Variants in DIAPH2 observed in about 807,000 individuals in gnomAD.
DIAPH2 encodes diaphanous related formin 2.
Under a neutral mutation model 92.7 loss-of-function variants are expected in DIAPH2, and 35 were observed. The observed-to-expected ratio is 0.38, with a 90% CI of 0.29 to 0.50. The LOEUF (loss-of-function observed/expected upper bound fraction) is 0.50, where lower values mean the gene tolerates loss of function less well. Among genes scored for constraint, DIAPH2 ranks in the 20% least tolerant of loss-of-function variants. The pLI is 0.94. For missense variants in DIAPH2, 701 were observed against 819.5 expected (o/e 0.86, Z 1.77); for synonymous variants, 301 against 280.4 (o/e 1.07, Z -0.73).
chrX:96,867,189 A>G (rs2065109725), intron 4 of DIAPH2, among the ~76,000 whole-genome samples: 1 of 111,673 alleles, frequency 9.0e-6, no homozygotes, highest in Non-Finnish European at 1.9e-5. Flanking sequence ...GTACTAGCTC[A>G]GTATTCTTAT....
intron 23 of DIAPH2, among the ~76,000 whole-genome samples, chrX:97,334,387 C>G (rs1452998529): frequency 2.2e-5 from 2 of 90,199 alleles, no homozygotes; most frequent in Admixed American, 1.2e-4. Context: ...GGCGTGAACC[C>G]GGGAGGCGGA....
rs774249010 is a variant in DIAPH2 at position 96,914,181 on chromosome X, A to C, written c.732+1629A>C. ...GTTACTGTATGAGCATATGCAATGA[A>C]TGCTTGCTAGTGGACATGAGACTCC... On this transcript the variant is annotated intron_variant, in intron 7 of 26. Transcript: ENST00000324765. Among the ~76,000 whole-genome samples the C allele has an allele frequency of 1.8e-3, 198 of 111,049 alleles. 1 individual carries two copies. Among genetic ancestry groups the C allele is most frequent in the African/African-American group, 6.0e-3 (185 of 30,745 alleles).
chrX:97,157,134 G>A (rs1359759382), intron 22 of DIAPH2, among the ~76,000 whole-genome samples: 1 of 110,619 alleles, frequency 9.0e-6, no homozygotes, highest in Non-Finnish European at 1.9e-5. Flanking sequence ...GTCCAACATG[G>A]AGAAACCCCA....
At position 97,604,594 on chromosome X, in the gene DIAPH2, T is replaced by C. The variant is rs766038865; in HGVS notation, c.*5277T>C. On this transcript the variant is annotated 3_prime_UTR_variant, in exon 27 of 27. Coordinates refer to ENST00000324765, the MANE Select transcript of DIAPH2 (RefSeq NM_006729.5). ...AAATTTTGGTTGATACTTTTGCTAC[T>C]ATGGGCAATTAACTTGAAAAAAATA... 1 of 112,304 alleles carries C rather than the reference T, an allele frequency of 8.9e-6. No individual in the cohort carries two copies. The highest frequency in any genetic ancestry group is 1.9e-5 in the Non-Finnish European group (1 of 53,200). 9.3% of individuals were successfully genotyped at this position (112,304 alleles called of 1,213,427 possible).
chrX:97,228,097 C>T (rs950160945), intron 22 of DIAPH2, among the ~76,000 whole-genome samples: 1 of 110,998 alleles, frequency 9.0e-6, no homozygotes, highest in African/African-American at 3.3e-5. Flanking sequence ...GCCGAGCTCT[C>T]ACTATATTGG....
rs747750269 is a variant in DIAPH2, at chrX:96,967,382, A to ATATT, written c.2050+2188_2050+2191dup. Among the ~76,000 whole-genome samples, 306 of 91,618 alleles carry ATATT rather than the reference A, an allele frequency of 3.3e-3. 2 individuals are homozygous for ATATT. Among genetic ancestry groups the ATATT allele is most frequent in the African/African-American group, 0.011 (293 of 26,004 alleles). The allele number at this position is 91,618 out of a possible 115,157, so 79.6% of individuals were successfully genotyped here. On this transcript the variant is annotated intron_variant, in intron 17 of 26. Transcript: ENST00000324765. ...GCAAAGGATATCATTTTTTATTTTTATATTTATTTATTTATTCATTCATTC... is the reference window on the plus strand; with the variant it reads ...GCAAAGGATATCATTTTTTATTTTTATATTTATTTATTTATTTATTCATTCATTC...
intron 17 of DIAPH2, among the ~76,000 whole-genome samples, chrX:96,992,109 G>A (rs2066076644): frequency 9.0e-6 from 1 of 110,792 alleles, no homozygotes; most frequent in Admixed American, 9.6e-5. Flanking sequence ...GTTCACAATT[G>A]TTATTTAAAG....
intron 4 of DIAPH2, among the ~76,000 whole-genome samples, chrX:96,830,145 C>A (rs1043855859): frequency 4.5e-4 from 50 of 111,309 alleles, no homozygotes; most frequent in Non-Finnish European, 7.4e-4. Context: ...CAGTAAAGAT[C>A]AGTTATTCAA....
intron 23 of DIAPH2, among the ~76,000 whole-genome samples, chrX:97,254,661 T>A (rs1428502503): frequency 3.6e-5 from 4 of 110,721 alleles, no homozygotes; most frequent in African/African-American, 1.3e-4. Context: ...AAAGCAATAC[T>A]ATGAAGTAGG....
chrX:96,748,242 A>G (rs1342136039), intron 3 of DIAPH2, among the ~76,000 whole-genome samples: 1 of 112,218 alleles, frequency 8.9e-6, no homozygotes, highest in African/African-American at 3.2e-5. Flanking sequence ...TTAAGCAACT[A>G]TTTATTCATA....
chrX:97,215,707 A>T (rs2067877875), intron 22 of DIAPH2, among the ~76,000 whole-genome samples: 1 of 111,679 alleles, frequency 9.0e-6, no homozygotes, highest in South Asian at 3.8e-4. Flanking sequence ...TGCCATTAAG[A>T]CACTGCTACC....
At chrX:97,133,583 G>A (rs888399835) in intron 21 of DIAPH2, among the ~76,000 whole-genome samples, 1 of 112,160 alleles carries the variant, frequency 8.9e-6, no homozygotes, top group Non-Finnish European at 1.9e-5. Context: ...CACTACGTCC[G>A]GCCAAGAGAA....
chrX:96,922,549 A>G (rs972331639), intron 9 of DIAPH2, among the ~76,000 whole-genome samples: 4 of 111,329 alleles, frequency 3.6e-5, no homozygotes, highest in Non-Finnish European at 7.6e-5. Context: ...AATACCCTAC[A>G]CTATTGTCAG....
At chrX:96,931,629 T>A (rs750267967) in intron 10 of DIAPH2, among the ~76,000 whole-genome samples, 6 of 109,970 alleles carry the variant, frequency 5.5e-5, no homozygotes, top group Non-Finnish European at 1.1e-4. Context: ...CAACAACAAA[T>A]GTCATTGAAT....
chrX:97,257,478 G>C lies in DIAPH2; in HGVS notation c.2844+9639G>C, dbSNP rs1364230007. Among the ~76,000 whole-genome samples the C allele has an allele frequency of 2.7e-5, 3 of 111,497 alleles. No homozygotes were observed. In the South Asian group the frequency reaches 1.1e-3, roughly 42 times the overall value. ...ACAAACCCTCTTTATCGTATCGAAA[G>C]CAAATATCTAGTAAGTGGCTTTTCA... On this transcript the variant is annotated intron_variant, in intron 23 of 26. Coordinates refer to ENST00000324765, the MANE Select transcript of DIAPH2 (RefSeq NM_006729.5).
chrX:96,958,013 T>G lies in DIAPH2; in HGVS notation c.1800T>G (p.Phe600Leu). ...CACCACCCCCACCACCACTTTTATT[T>G]GGGGGACCTCCTCCACCACCACCCC... ...IPPPPPPPLL[F>L]GGPPPPPPLG... The change falls in exon 16 of 27, where the codon TTT becomes TTG. Residue 600 changes from phenylalanine to leucine, a missense_variant. Transcript: ENST00000324765. The G allele has an allele frequency of 1.7e-6, 2 of 1,211,027 alleles. No individual in the cohort carries two copies. Among genetic ancestry groups the G allele is most frequent in the Non-Finnish European group, 2.2e-6 (2 of 895,198 alleles).
intron 5 of DIAPH2, among the ~76,000 whole-genome samples, chrX:96,890,354 T>G (rs1205247966): frequency 3.6e-5 from 4 of 112,241 alleles, no homozygotes. Context: ...GGTATTATTT[T>G]GAAGAGTGAG....
At chrX:97,159,124 G>C (rs1298250706) in intron 22 of DIAPH2, among the ~76,000 whole-genome samples, 2 of 111,543 alleles carry the variant, frequency 1.8e-5, no homozygotes, top group Non-Finnish European at 3.8e-5. Context: ...AGTCAGTGTT[G>C]TTCATGCTGC....
chrX:97,348,992 GTA>G (rs752744059), intron 24 of DIAPH2, among the ~76,000 whole-genome samples: 1 of 106,289 alleles, frequency 9.4e-6, no homozygotes, highest in Non-Finnish European at 1.9e-5. Flanking sequence ...AGGTGTGTGT[GTA>G]TATATATATG....
Sources: allele counts gnomAD v4.1 joint callset (sites outside exome capture counted in the v4.1 genomes callset), GRCh38; gene constraint gnomAD v4.1.1; transcripts MANE v1.5; gene names NCBI Gene and HGNC (gene_info 2026-07-23, HGNC 2026-07-21).